LRP1B: variants seen among roughly 807,000 people sequenced by gnomAD.
The protein encoded by LRP1B is LDL receptor related protein 1B.
In LRP1B, 217 loss-of-function variants were observed where a neutral mutation model predicts 556.6. The observed-to-expected ratio is 0.39, with a 90% CI of 0.35 to 0.44. LRP1B has a LOEUF of 0.44. LRP1B is among the 20% of genes least tolerant of loss of function. LRP1B has a pLI of 1.00. For missense variants in LRP1B, 5,053 were observed against 5,620.8 expected, an observed-to-expected ratio of 0.90 and a Z score of 3.23; for synonymous variants, 2,047 against 1,865.8, an observed-to-expected ratio of 1.10 and a Z score of -2.50.
At chr2:142,049,234 C>T (rs1704362323) in intron 1 of LRP1B, among the ~76,000 whole-genome samples, 1 of 152,042 alleles carries the variant, frequency 6.6e-6, no homozygotes, top group Non-Finnish European at 1.5e-5. Context: ...CTTGTACTTT[C>T]CATATGTTGT....
rs186020772 is a variant in LRP1B, at chr2:141,652,885, C to T, written c.205+157394G>A. 3.4e-3 allele frequency among the ~76,000 whole-genome samples: 524 copies of T among 152,264 alleles called. 1 individual carries two copies. The highest frequency in any genetic ancestry group is 0.01 in the Middle Eastern group (3 of 294). ...CTTGTCATATATAAGGCTTACTTGA[C>T]AGTTGGCTTCCTGTGATTCCTTCAT... is the stretch of plus-strand genomic sequence containing the variant. On this transcript the variant is annotated intron_variant, in intron 2 of 90. Transcript: ENST00000389484.
chr2:141,394,995 T>C (rs184309290), intron 3 of LRP1B, among the ~76,000 whole-genome samples: 1 of 152,236 alleles, frequency 6.6e-6, no homozygotes, highest in Admixed American at 6.5e-5. Context: ...GGTCATGCTC[T>C]GCATAATGAG....
At chr2:140,791,880 A>G (rs1690132778) in intron 32 of LRP1B, among the ~76,000 whole-genome samples, 1 of 152,198 alleles carries the variant, frequency 6.6e-6, no homozygotes, top group Non-Finnish European at 1.5e-5. Flanking sequence ...GCAATTGAGA[A>G]TCAGCAAATG....
chr2:141,665,531 A>G (rs1037378773), intron 2 of LRP1B, among the ~76,000 whole-genome samples: 4 of 152,140 alleles, frequency 2.6e-5, no homozygotes, highest in Admixed American at 2.0e-4. Context: ...TTCCCCAAAG[A>G]CCTGGAACCA....
chr2:140,291,168 A>C (rs1683355525), intron 84 of LRP1B, among the ~76,000 whole-genome samples: 1 of 150,982 alleles, frequency 6.6e-6, no homozygotes, highest in African/African-American at 2.4e-5. Context: ...TAAATTTCCA[A>C]AGGCTTTCCC....
intron 35 of LRP1B, among the ~76,000 whole-genome samples, chr2:140,752,030 A>G (rs1344341441): frequency 2.0e-5 from 3 of 152,024 alleles, no homozygotes; most frequent in African/African-American, 7.2e-5. Flanking sequence ...CTTAGCCACT[A>G]AATAGGCTGG....
chr2:142,000,026 TATATA>T (rs143347941), intron 1 of LRP1B, among the ~76,000 whole-genome samples: 30,187 of 148,920 alleles, frequency 0.2, 3,919 homozygotes, highest in East Asian at 0.45. Context: ...TTATATATAC[TATATA>T]ATATATGTGA....
At chr2:141,929,693 T>C (rs1314432850) in intron 1 of LRP1B, among the ~76,000 whole-genome samples, 1 of 152,124 alleles carries the variant, frequency 6.6e-6, no homozygotes, top group East Asian at 1.9e-4. Context: ...ATCTCAGGTA[T>C]GCTCTGGCTT....
At chr2:141,171,831 A>T (rs1334038214) in intron 7 of LRP1B, among the ~76,000 whole-genome samples, 1 of 152,086 alleles carries the variant, frequency 6.6e-6, no homozygotes, top group Admixed American at 6.6e-5. Context: ...CACTGTGAAG[A>T]TTGCGTGGAT....
chr2:140,653,576 A>T (rs1256826846), intron 41 of LRP1B, among the ~76,000 whole-genome samples: 1 of 152,154 alleles, frequency 6.6e-6, no homozygotes, highest in Non-Finnish European at 1.5e-5. Context: ...ATTGGGCTGT[A>T]AAGTCTGCAA....
intron 83 of LRP1B, among the ~76,000 whole-genome samples, chr2:140,307,107 T>A (rs1480840347): frequency 1.3e-5 from 2 of 152,010 alleles, no homozygotes; most frequent in Admixed American, 6.6e-5. Context: ...ATTTCACCAC[T>A]AATATTTAAA....
At chr2:140,455,885 A>G (rs1463071685) in intron 62 of LRP1B, among the ~76,000 whole-genome samples, 3 of 152,220 alleles carry the variant, frequency 2.0e-5, no homozygotes, top group African/African-American at 7.2e-5. Context: ...ATGTCATATG[A>G]CTATTGTCCA....
chr2:141,404,427 T>A (rs1257068355), intron 3 of LRP1B, among the ~76,000 whole-genome samples: 4 of 152,092 alleles, frequency 2.6e-5, no homozygotes, highest in Non-Finnish European at 5.9e-5. Flanking sequence ...GGAAGGGAAG[T>A]AAAATATGTA....
chr2:140,361,519 A>G (rs1208436533), intron 72 of LRP1B, among the ~76,000 whole-genome samples: 2 of 150,784 alleles, frequency 1.3e-5, no homozygotes, highest in South Asian at 2.1e-4. Context: ...GTTGTTTCCT[A>G]TGTAAAAGTA....
At chr2:140,788,256 T>A (rs1689978318) in intron 32 of LRP1B, among the ~76,000 whole-genome samples, 1 of 152,190 alleles carries the variant, frequency 6.6e-6, no homozygotes, top group Non-Finnish European at 1.5e-5. Flanking sequence ...AACTTACATA[T>A]GACTATACTG....
chr2:140,906,202 C>G (rs1046742631), intron 22 of LRP1B, among the ~76,000 whole-genome samples: 2 of 152,126 alleles, frequency 1.3e-5, no homozygotes, highest in African/African-American at 2.4e-5. Context: ...CACCAGATTC[C>G]TCCTTATAAT....
intron 2 of LRP1B, among the ~76,000 whole-genome samples, chr2:141,600,203 G>A (rs910874721): frequency 2.6e-5 from 4 of 152,116 alleles, no homozygotes; most frequent in African/African-American, 9.7e-5. Context: ...GCTTTGGTTA[G>A]AGCGGTCTTA....
At chr2:142,096,741 T>C (rs889354060) in intron 1 of LRP1B, among the ~76,000 whole-genome samples, 1 of 151,672 alleles carries the variant, frequency 6.6e-6, no homozygotes, top group African/African-American at 2.4e-5. Context: ...AACTTGTATT[T>C]TAAATTCAGA....
At chr2:141,389,286 A>G (rs1334155499) in intron 3 of LRP1B, among the ~76,000 whole-genome samples, 1 of 152,196 alleles carries the variant, frequency 6.6e-6, no homozygotes, top group Non-Finnish European at 1.5e-5. Context: ...ATGTAGATCA[A>G]TGGAATAGAA....
Sources: allele counts gnomAD v4.1 joint callset (sites outside exome capture counted in the v4.1 genomes callset), GRCh38; gene constraint gnomAD v4.1.1; transcripts MANE v1.5; gene names NCBI Gene and HGNC (gene_info 2026-07-23, HGNC 2026-07-21).